Variants in SAMMSON observed in about 807,000 individuals in gnomAD.
SAMMSON encodes long intergenic non-protein coding RNA 1212.
At chr3:70,006,954 A>G (rs1052876029) in intron 1 of SAMMSON, among the ~76,000 whole-genome samples, 3 of 151,884 alleles carry the variant, frequency 2.0e-5, no homozygotes, top group African/African-American at 7.3e-5. Flanking sequence ...AGCTTCATCC[A>G]TGTCCCTACA....
At chr3:70,164,869 T>C (rs1032455075) in intron 4 of SAMMSON, among the ~76,000 whole-genome samples, 2 of 152,086 alleles carry the variant, frequency 1.3e-5, no homozygotes, top group African/African-American at 4.8e-5. Context: ...TAAAATTTCC[T>C]CCGGAAAAGA....
chr3:70,126,172 C>T, intron 4 of SAMMSON: 4 of 1,194,692 alleles, frequency 3.3e-6, no homozygotes, highest in Non-Finnish European at 4.8e-6. Flanking sequence ...AAAAGTCAGC[C>T]CATGGTTTGG....
At chr3:70,295,970 A>G (rs1414907511) in intron 7 of SAMMSON, among the ~76,000 whole-genome samples, 2 of 152,160 alleles carry the variant, frequency 1.3e-5, no homozygotes, top group Non-Finnish European at 2.9e-5. Flanking sequence ...ACCAATCCTG[A>G]CTTGCAAACC....
intron 7 of SAMMSON, among the ~76,000 whole-genome samples, chr3:70,299,446 C>T (rs372602758): frequency 2.0e-5 from 3 of 151,960 alleles, no homozygotes; most frequent in Non-Finnish European, 4.4e-5. Flanking sequence ...AGATAACTTA[C>T]GTAAAGCCAC....
At chr3:70,219,754 C>T (rs1025101924) in intron 4 of SAMMSON, among the ~76,000 whole-genome samples, 4 of 152,076 alleles carry the variant, frequency 2.6e-5, no homozygotes, top group African/African-American at 9.7e-5. Flanking sequence ...AGATTAAGAG[C>T]AATTCTGAAA....
chr3:70,121,828 G>A (rs2067435070), intron 4 of SAMMSON, among the ~76,000 whole-genome samples: 1 of 152,130 alleles, frequency 6.6e-6, no homozygotes, highest in African/African-American at 2.4e-5. Flanking sequence ...AGTCAGCTAC[G>A]TAGCTTAACT....
intron 6 of SAMMSON, among the ~76,000 whole-genome samples, chr3:70,263,689 C>A (rs1183538451): frequency 6.6e-6 from 1 of 152,202 alleles, no homozygotes; most frequent in African/African-American, 2.4e-5. Flanking sequence ...ATCTACCGAG[C>A]TCCCTTCTCT....
intron 4 of SAMMSON, among the ~76,000 whole-genome samples, chr3:70,093,247 A>G (rs1359362774): frequency 3.3e-5 from 5 of 152,208 alleles, no homozygotes; most frequent in South Asian, 4.1e-4. Flanking sequence ...AATGTCAGGC[A>G]GTGAGTCAAA....
intron 4 of SAMMSON, among the ~76,000 whole-genome samples, chr3:70,248,816 T>C (rs189804193): frequency 8.5e-5 from 13 of 152,192 alleles, no homozygotes; most frequent in South Asian, 4.1e-4. Flanking sequence ...TAGGCTACCA[T>C]GTGTGATATG....
intron 4 of SAMMSON, among the ~76,000 whole-genome samples, chr3:70,088,269 A>C (rs909831856): frequency 2.0e-5 from 3 of 152,188 alleles, no homozygotes; most frequent in Non-Finnish European, 4.4e-5. Context: ...TTGGGTTAGA[A>C]TATATGTGTT....
At chr3:70,179,017 TAATAATAAGAAGAAGA>T (rs1701030658) in intron 4 of SAMMSON, among the ~76,000 whole-genome samples, 1 of 152,020 alleles carries the variant, frequency 6.6e-6, no homozygotes, top group South Asian at 2.1e-4. Flanking sequence ...ATAGTAATAA[TAATAATAAGAAGAAGA>T]ACTTTATAAC....
intron 4 of SAMMSON, among the ~76,000 whole-genome samples, chr3:70,111,654 T>G (rs1304503822): frequency 6.6e-6 from 1 of 152,142 alleles, no homozygotes; most frequent in East Asian, 1.9e-4. Flanking sequence ...CTTGAGCTTA[T>G]AAAGAGGATA....
At chr3:70,293,924 A>G (rs1376260325) in intron 7 of SAMMSON, among the ~76,000 whole-genome samples, 3 of 152,060 alleles carry the variant, frequency 2.0e-5, no homozygotes, top group Non-Finnish European at 4.4e-5. Flanking sequence ...GGAGCCAGAA[A>G]AAAAGAGCAA....
intron 3 of SAMMSON, among the ~76,000 whole-genome samples, chr3:70,051,726 ATTAAC>A (rs942044890): frequency 2.3e-5 from 3 of 132,012 alleles, no homozygotes; most frequent in South Asian, 2.7e-4. Flanking sequence ...TTCCATTTCT[ATTAAC>A]TTAATAAATT....
chr3:70,034,267 G>A (rs2067077205), intron 3 of SAMMSON, among the ~76,000 whole-genome samples: 1 of 152,056 alleles, frequency 6.6e-6, no homozygotes, highest in Non-Finnish European at 1.5e-5. Flanking sequence ...AAAGTTGCAC[G>A]ATATTGCTAT....
intron 7 of SAMMSON, chr3:70,302,746 C>T (rs1702363501): frequency 6.6e-6 from 1 of 152,130 alleles, no homozygotes; most frequent in African/African-American, 2.4e-5. Context: ...ACGAGAGTCT[C>T]TAAATGTGCT....
intron 4 of SAMMSON, among the ~76,000 whole-genome samples, chr3:70,202,463 G>A (rs1701249200): frequency 1.3e-5 from 2 of 152,142 alleles, no homozygotes; most frequent in Admixed American, 1.3e-4. Flanking sequence ...ACTGTTCACT[G>A]TATTTGACTT....
At chr3:70,230,918 C>G (rs1486529377) in intron 4 of SAMMSON, among the ~76,000 whole-genome samples, 1 of 152,180 alleles carries the variant, frequency 6.6e-6, no homozygotes, top group African/African-American at 2.4e-5. Flanking sequence ...GGCAAACTTC[C>G]ACTTTTCAAT....
chr3:70,023,931 C>A (rs973550230), intron 3 of SAMMSON, among the ~76,000 whole-genome samples: 2 of 152,162 alleles, frequency 1.3e-5, no homozygotes, highest in African/African-American at 4.8e-5. Context: ...GAGCTTTCCT[C>A]CCAGAATGCC....
Sources: allele counts gnomAD v4.1 joint callset (sites outside exome capture counted in the v4.1 genomes callset), GRCh38; gene constraint gnomAD v4.1.1; transcripts MANE v1.5; gene names NCBI Gene and HGNC (gene_info 2026-07-23, HGNC 2026-07-21).